Variants in GNPTAB observed in about 807,000 individuals in gnomAD.
The protein encoded by GNPTAB is N-acetylglucosamine-1-phosphate transferase subunits alpha and beta.
Under a neutral mutation model 136.6 loss-of-function variants are expected in GNPTAB, and 92 were observed. That is an observed-to-expected ratio of 0.67 (90% CI 0.57 to 0.80). The LOEUF (loss-of-function observed/expected upper bound fraction) is 0.80, where lower values mean the gene tolerates loss of function less well. GNPTAB is among the 30% of genes least tolerant of loss of function. The pLI, the probability that GNPTAB is intolerant of heterozygous loss-of-function variation, is 0.00. For synonymous variants in GNPTAB, 512 were observed against 535.1 expected (o/e 0.96, Z 0.60); for missense variants, 1,343 against 1,501.8 (o/e 0.89, Z 1.75).
intron 7 of GNPTAB, chr12:101,779,142 C>T (rs950987557): frequency 6.6e-6 from 1 of 152,152 alleles, no homozygotes; most frequent in Admixed American, 6.5e-5. Flanking sequence ...AGCTCCCCCA[C>T]CACTACTCCA....
intron 1 of GNPTAB, among the ~76,000 whole-genome samples, chr12:101,797,630 C>A (rs561802618): frequency 3.9e-5 from 6 of 152,166 alleles, no homozygotes; most frequent in African/African-American, 1.4e-4. Context: ...TCTCAAAAAA[C>A]CAAAAAACCA....
At chr12:101,818,389 T>C (rs1870616317) in intron 1 of GNPTAB, among the ~76,000 whole-genome samples, 2 of 151,472 alleles carry the variant, frequency 1.3e-5, no homozygotes, top group African/African-American at 4.9e-5. Context: ...TTTTTTTTTT[T>C]TTTTTGGAGA....
chr12:101,830,725 C>T lies in GNPTAB; in HGVS notation c.-50G>A, dbSNP rs1871332602. 8.7e-7 allele frequency: 1 copy of T among 1,147,656 alleles called. No homozygotes were observed. Among genetic ancestry groups the T allele is most frequent in the African/African-American group, 1.6e-5 (1 of 62,776 alleles). 71.1% of individuals were successfully genotyped at this position (1,147,656 alleles called of 1,614,324 possible). On this transcript the variant is annotated 5_prime_UTR_variant, in exon 1 of 21. Transcript: ENST00000299314. ...CCCGAGGAGCCTGAGCCGCCGCCGC[C>T]GCCGCCGCCGCCTCAGCGAGCCGCC...
At chr12:101,817,223 T>C (rs1870552362) in intron 1 of GNPTAB, among the ~76,000 whole-genome samples, 1 of 151,700 alleles carries the variant, frequency 6.6e-6, no homozygotes, top group Non-Finnish European at 1.5e-5. Flanking sequence ...GATACATGGT[T>C]GAGATGATGG....
At chr12:101,821,219 T>TG (rs753184616) in intron 1 of GNPTAB, among the ~76,000 whole-genome samples, 2 of 152,194 alleles carry the variant, frequency 1.3e-5, no homozygotes, top group Non-Finnish European at 1.5e-5. Flanking sequence ...ACCACCAGAA[T>TG]ATAAGCTCCT....
chr12:101,761,468 A>G, intron 14 of GNPTAB, 96 bp downstream of exon 14: 1 of 1,435,108 alleles, frequency 7.0e-7, no homozygotes, highest in Non-Finnish European at 9.8e-7. Flanking sequence ...TAGTCATCAA[A>G]TATTAGAGCT....
chr12:101,772,046 C>G (rs1376240621), intron 7 of GNPTAB, among the ~76,000 whole-genome samples: 2 of 152,214 alleles, frequency 1.3e-5, no homozygotes, highest in African/African-American at 4.8e-5. Flanking sequence ...CCTTTTGGGG[C>G]AAAGCTTTTG....
At chr12:101,760,212 A>C in intron 15 of GNPTAB, 69 bp from the exon 16 acceptor site, 1 of 975,746 alleles carries the variant, frequency 1.0e-6, no homozygotes, top group Non-Finnish European at 1.7e-6. Flanking sequence ...TAAAAATAAA[A>C]ATTAAGTGAA....
chr12:101,762,963 G>C (rs150803404), intron 13 of GNPTAB, among the ~76,000 whole-genome samples: 1 of 150,226 alleles, frequency 6.7e-6, no homozygotes, highest in African/African-American at 2.4e-5. Context: ...GCTCACGCCT[G>C]TAATCCCAGC....
Position 101,769,735 on chromosome 12 carries a change from C to T in GNPTAB, c.1284+286G>A, listed in dbSNP as rs11111014. Among the ~76,000 whole-genome samples, 14,859 of 151,914 alleles carry T rather than the reference C, an allele frequency of 0.098. 872 individuals carry two copies. Among genetic ancestry groups the T allele is most frequent in the Middle Eastern group, 0.2 (59 of 292 alleles). ...TTGGCCAGTGACCCCCTACTCCCCC[C>T]ACGGCCCCCCAACACCCAAGCAGCT... On this transcript the variant is annotated intron_variant, in intron 10 of 20. Coordinates refer to ENST00000299314, the MANE Select transcript of GNPTAB (RefSeq NM_024312.5).
At chr12:101,792,535 G>T (rs1026390900) in intron 2 of GNPTAB, among the ~76,000 whole-genome samples, 11 of 152,204 alleles carry the variant, frequency 7.2e-5, no homozygotes, top group Non-Finnish European at 1.6e-4. Flanking sequence ...GTCCAAAGAT[G>T]AAACGAACTT....
chr12:101,809,114 A>G (rs1391874089), intron 1 of GNPTAB, among the ~76,000 whole-genome samples: 1 of 152,242 alleles, frequency 6.6e-6, no homozygotes, highest in Non-Finnish European at 1.5e-5. Context: ...ACCCAATTAA[A>G]AACTGGGTAA....
chr12:101,811,921 A>G (rs1242090881), intron 1 of GNPTAB, among the ~76,000 whole-genome samples: 1 of 146,844 alleles, frequency 6.8e-6, no homozygotes, highest in Non-Finnish European at 1.5e-5. Context: ...TTACAGGCTG[A>G]GCCGCTGCGT....
chr12:101,771,262 T>G, intron 7 of GNPTAB, 105 bp from the exon 8 acceptor site: 2 of 968,890 alleles, frequency 2.1e-6, no homozygotes, highest in African/African-American at 1.7e-5. Flanking sequence ...TTTTTTTTTT[T>G]GAGACACAGT....
chr12:101,757,332 A>T, intron 17 of GNPTAB, 22 bp from the exon 18 acceptor site: 1 of 1,368,078 alleles, frequency 7.3e-7, no homozygotes, highest in East Asian at 2.3e-5. Context: ...AACATATTTG[A>T]AGAGTTTAAA....
Position 101,764,842 on chromosome 12 carries a change from T to A in GNPTAB, c.2075A>T (p.Glu692Val), listed in dbSNP as rs771353705. The A allele has an allele frequency of 6.2e-7, 1 of 1,614,198 alleles. No individual in the cohort carries two copies. Among genetic ancestry groups the A allele is most frequent in the Admixed American group, 1.7e-5 (1 of 60,028 alleles). Residue 692 changes from glutamate (E) to valine (V), a missense_variant, in exon 13 of 21, where the codon GAG becomes GTG. By Grantham distance (121) the Glu-to-Val change is moderately radical. Transcript: ENST00000299314. The part of the protein sequence containing the change: ...DVNSTRRAQE[E>V]VKIPLVNISL... ...AATATTTACCAGGGGAATTTTCACC[T>A]CTTCCTGGGCTCTCCTTGTTGAGTT...
chr12:101,756,298 T>C (rs1182472880), intron 18 of GNPTAB: 1 of 158,724 alleles, frequency 6.3e-6, no homozygotes, highest in African/African-American at 2.4e-5. Flanking sequence ...AGAAAAAATA[T>C]AATGGCTTTA....
intron 1 of GNPTAB, among the ~76,000 whole-genome samples, chr12:101,800,554 T>C (rs1422208228): frequency 1.9e-4 from 24 of 127,304 alleles, no homozygotes; most frequent in African/African-American, 7.4e-4. Context: ...AGGTCAGGAG[T>C]TCAAGATCAG....
intron 14 of GNPTAB, 34 bp downstream of exon 14, chr12:101,761,530 A>G: frequency 1.3e-6 from 2 of 1,591,692 alleles, no homozygotes; most frequent in Non-Finnish European, 8.6e-7. Context: ...AGTTCTGAAC[A>G]CAAGCAAACA....
Sources: allele counts gnomAD v4.1 joint callset (sites outside exome capture counted in the v4.1 genomes callset), GRCh38; gene constraint gnomAD v4.1.1; transcripts MANE v1.5; gene names NCBI Gene and HGNC (gene_info 2026-07-23, HGNC 2026-07-21).